The following DHX16 variants were observed in gnomAD, a reference collection of about 807,000 sequenced individuals.
DHX16 encodes pre-mRNA-splicing factor ATP-dependent RNA helicase DHX16.
A neutral mutation model predicts 131.2 loss-of-function variants in DHX16; 81 were observed. The ratio of observed to expected loss-of-function variants is 0.62; its 90% CI spans 0.52 to 0.74. DHX16 has a LOEUF of 0.74. DHX16 is among the 30% of genes least tolerant of loss of function. The probability of loss-of-function intolerance (pLI) is 0.00; values close to 1 mark genes in which losing one functional copy is unlikely to be tolerated. For missense variants in DHX16, 980 were observed against 1,363.1 expected, an observed-to-expected ratio of 0.72 and a Z score of 4.43; for synonymous variants, 440 against 520.2, an observed-to-expected ratio of 0.85 and a Z score of 2.10.
At chr6:30,668,418 AG>A (rs1769231643) in intron 4 of DHX16, among the ~76,000 whole-genome samples, 2 of 152,154 alleles carry the variant, frequency 1.3e-5, no homozygotes, top group African/African-American at 2.4e-5. Flanking sequence ...TGGGAGACCG[AG>A]GGGGGTGGAT....
chr6:30,671,841 C>T (rs929394755), intron 1 of DHX16, among the ~76,000 whole-genome samples: 6 of 151,586 alleles, frequency 4.0e-5, no homozygotes, highest in Admixed American at 2.6e-4. Flanking sequence ...CACTACCACG[C>T]TCAACTAATT....
At position 30,670,390 on chromosome 6, in the gene DHX16, C is replaced by T; in HGVS notation, c.666+20G>A. On this transcript the variant is annotated intron_variant, in intron 4 of 19. Transcript: ENST00000376442. This position sits in a 1 kb window ranked among gnomAD's most constrained non-coding sequence, Gnocchi z 4.4. ...TTCCTTTTGTCTTCTGATCTTGGCTCCCTAGGCCCTGGGACTCACCATGGC... is the reference window on the plus strand; with the variant it reads ...TTCCTTTTGTCTTCTGATCTTGGCTTCCTAGGCCCTGGGACTCACCATGGC... The T allele has an allele frequency of 1.9e-6, 3 of 1,603,708 alleles. No individual in the cohort carries two copies. The highest frequency in any genetic ancestry group is 1.3e-5 in the African/African-American group (1 of 74,768).
intron 9 of DHX16, 87 bp from the exon 10 acceptor site, chr6:30,660,329 A>C: frequency 9.0e-7 from 1 of 1,114,484 alleles, no homozygotes; most frequent in Non-Finnish European, 1.2e-6. Flanking sequence ...GAGGGGAGTA[A>C]TGGACACAAA....
At chr6:30,664,299 C>T (rs1768799049) in intron 7 of DHX16, among the ~76,000 whole-genome samples, 1 of 152,018 alleles carries the variant, frequency 6.6e-6, no homozygotes, top group African/African-American at 2.4e-5. Context: ...GCCTGGCCAA[C>T]ATGGTGAAAC....
At chr6:30,659,150 G>A (rs1221751250) in intron 12 of DHX16, among the ~76,000 whole-genome samples, 1 of 152,200 alleles carries the variant, frequency 6.6e-6, no homozygotes. Flanking sequence ...GCCTCCGAAA[G>A]TCCTGGGATT....
Position 30,654,758 on chromosome 6 carries a change from C to T in DHX16, c.2945G>A (p.Arg982His), listed in dbSNP as rs1206620296. 5.6e-6 allele frequency: 9 copies of T among 1,612,962 alleles called. No homozygotes were observed. Among genetic ancestry groups the T allele is most frequent in the South Asian group, 1.1e-5 (1 of 91,082 alleles). Residue 982 changes from arginine to histidine, a missense_variant, in exon 19 of 20, where the codon CGC becomes CAC. Coordinates refer to ENST00000376442, the MANE Select transcript of DHX16 (RefSeq NM_003587.5). ...GACAAGTTCGTGGTAGAGCAGCCAG[C>T]GTGGCTGTTGCTCAAAGAGGGAGGA... is the stretch of plus-strand genomic sequence containing the variant. ...PNSSLFEQQPRWLLYHELVLT... is the reference protein window; with the variant it reads ...PNSSLFEQQPHWLLYHELVLT...
At position 30,671,287 on chromosome 6, in the gene DHX16, G is replaced by A. The variant is rs1769525859; in HGVS notation, c.208-13C>T. On this transcript the variant is annotated splice_polypyrimidine_tract_variant and intron_variant, in intron 1 of 19. Transcript: ENST00000376442. ...CCTTTCGTGGTACCTGTCAGTAGAG[G>A]GGAAGATAAGGAGGTCTGAGCAACT... The A allele has an allele frequency of 6.2e-7, 1 of 1,610,978 alleles. No individual in the cohort carries two copies. The highest frequency in any genetic ancestry group is 1.7e-5 in the Admixed American group (1 of 59,780).
intron 19 of DHX16, among the ~76,000 whole-genome samples, chr6:30,654,139 TAAAGAC>T (rs994699810): frequency 1.3e-5 from 2 of 151,580 alleles, no homozygotes; most frequent in African/African-American, 2.4e-5. Context: ...GCCTAGAACA[TAAAGAC>T]TATACTCTGT....
At chr6:30,657,166 T>C in intron 12 of DHX16, 74 bp from the exon 13 acceptor site, 1 of 1,505,986 alleles carries the variant, frequency 6.6e-7, no homozygotes, top group Non-Finnish European at 9.0e-7. Context: ...CTTGGAAAGT[T>C]AGGAGTAGTG....
rs777303079 is a variant in DHX16, at chr6:30,662,694, G to A, written c.1477C>T (p.Leu493Phe). 1 of 1,613,116 alleles carries A rather than the reference G, an allele frequency of 6.2e-7. No individual in the cohort carries two copies. The highest frequency in any genetic ancestry group is 8.5e-7 in the Non-Finnish European group (1 of 1,180,042). Reference sequence around the variant, plus strand: ...AGCATCCCATCTGTCATGTAGCGGAGGACAGTTCGCTCTGATGTGCAGTCC... The same window carrying A: ...AGCATCCCATCTGTCATGTAGCGGAAGACAGTTCGCTCTGATGTGCAGTCC... Reference protein sequence around the residue: ...FEDCTSERTVLRYMTDGMLLR... With the variant: ...FEDCTSERTVFRYMTDGMLLR... The change falls in exon 9 of 20, where the codon CTC becomes TTC. Residue 493 changes from leucine to phenylalanine, a missense_variant. By Grantham distance (22) the Leu-to-Phe change is conservative. This residue lies in a region of DHX16 where 309 missense variants were observed against 537.1 expected (regional missense o/e 0.58). Transcript: ENST00000376442. This position sits in a 1 kb window ranked among gnomAD's most constrained non-coding sequence, Gnocchi z 4.7.
At position 30,662,775 on chromosome 6, in the gene DHX16, G is replaced by C. The variant is rs1162336808; in HGVS notation, c.1429-33C>G. On this transcript the variant is annotated intron_variant, in intron 8 of 19. Coordinates refer to ENST00000376442, the MANE Select transcript of DHX16 (RefSeq NM_003587.5). The surrounding 1 kb of genome is among the most constrained non-coding windows in gnomAD (Gnocchi z 4.7). ...AGGGAACCATTAGCAACCAAGTGTG[G>C]GCTGGTGTGCCCTGAAAGGAACTTG... The C allele has an allele frequency of 1.2e-6, 2 of 1,600,854 alleles. No homozygotes were observed. The highest frequency in any genetic ancestry group is 2.7e-5 in the African/African-American group (2 of 74,640).
intron 7 of DHX16, among the ~76,000 whole-genome samples, chr6:30,664,573 T>C (rs1162576735): frequency 1.3e-5 from 2 of 152,068 alleles, no homozygotes; most frequent in Non-Finnish European, 2.9e-5. Flanking sequence ...TCCACATTTA[T>C]ACACGCCCCA....
In DHX16 at chr6:30,672,975, T is replaced by C; in HGVS notation, c.-134A>G. 2.6e-6 allele frequency: 4 copies of C among 1,551,906 alleles called. No individual in the cohort carries two copies. The highest frequency in any genetic ancestry group is 3.5e-6 in the Non-Finnish European group (4 of 1,147,170). ...AGCTACCTTGGGACCTCTAGGATCT[T>C]CCGACATCCCAAAGCTGTCTTCCCG... On this transcript the variant is annotated 5_prime_UTR_variant, in exon 1 of 20. Coordinates refer to ENST00000376442, the MANE Select transcript of DHX16 (RefSeq NM_003587.5).
In DHX16 at chr6:30,654,784, G is replaced by A. The variant is rs770374482; in HGVS notation, c.2919C>T (p.Asn973=). The stretch of plus-strand genomic sequence containing the variant: ...GTGGCTGTTGCTCAAAGAGGGAGGA[G>A]TTGGGATGAATGAAGACTGTCTGCT... ...KQQQTVFIHP[N]SSLFEQQPRW... The change falls in exon 19 of 20, where the codon AAC becomes AAT. Residue 973 remains asparagine, a synonymous_variant. Coordinates refer to ENST00000376442, the MANE Select transcript of DHX16 (RefSeq NM_003587.5). The A allele has an allele frequency of 6.2e-7, 1 of 1,613,072 alleles. No individual in the cohort carries two copies.
rs773031074 is a variant in DHX16, at chr6:30,655,419, A to G, written c.2661+16T>C. 6.2e-7 allele frequency: 1 copy of G among 1,613,910 alleles called. No homozygotes were observed. The highest frequency in any genetic ancestry group is 8.5e-7 in the Non-Finnish European group (1 of 1,179,976). On this transcript the variant is annotated intron_variant, in intron 17 of 19. Transcript: ENST00000376442. Reference sequence around the variant, plus strand: ...CCCCCAGTGTCTCTCATTCCCACTCACCCAAGCCCAGTGACCTGTGTGTAA... The same window carrying G: ...CCCCCAGTGTCTCTCATTCCCACTCGCCCAAGCCCAGTGACCTGTGTGTAA...
At position 30,660,105 on chromosome 6, in the gene DHX16, G is replaced by A; in HGVS notation, c.1682C>T (p.Ser561Phe). The change falls in exon 10 of 20, where the codon TCC (serine) becomes TTC (phenylalanine). Residue 561 changes from serine (S) to phenylalanine (F), a missense_variant. Physicochemically the swap from Ser to Phe is radical, Grantham distance 155 (BLOSUM62 -2). This residue lies in a region of DHX16 where 309 missense variants were observed against 537.1 expected (regional missense o/e 0.58). Transcript: ENST00000376442. ...CACAGGGGCGTCATCAAAGAAGGTG[G>A]AAAAACGGGCAGTGTCCATTGTGGC... is the stretch of plus-strand genomic sequence containing the variant. ...ASATMDTARF[S>F]TFFDDAPVFR... 1.2e-6 allele frequency: 2 copies of A among 1,612,326 alleles called. No homozygotes were observed. Among genetic ancestry groups the A allele is most frequent in the South Asian group, 1.1e-5 (1 of 90,972 alleles).
chr6:30,668,896 A>G (rs1769278603), intron 4 of DHX16, among the ~76,000 whole-genome samples: 1 of 151,798 alleles, frequency 6.6e-6, no homozygotes, highest in Admixed American at 6.6e-5. Context: ...ACCTGAGGTC[A>G]GGAGTTCAAG....
intron 12 of DHX16, among the ~76,000 whole-genome samples, chr6:30,659,192 C>T (rs573479231): frequency 3.9e-5 from 6 of 152,290 alleles, no homozygotes; most frequent in Non-Finnish European, 7.4e-5. Flanking sequence ...TGACCTCAGA[C>T]ATTTCTCTTA....
At chr6:30,659,711 C>T in intron 11 of DHX16, 25 bp downstream of exon 11, 2 of 1,613,218 alleles carry the variant, frequency 1.2e-6, no homozygotes, top group African/African-American at 1.3e-5. Flanking sequence ...GATACATCAT[C>T]CCCTCTCCCC....
Sources: allele counts gnomAD v4.1 joint callset (sites outside exome capture counted in the v4.1 genomes callset), GRCh38; gene constraint gnomAD v4.1.1; regional missense constraint gnomAD v4.1.1; non-coding constraint Gnocchi (gnomAD v3.1); transcripts MANE v1.5; gene names NCBI Gene and HGNC (gene_info 2026-07-23, HGNC 2026-07-21).